Variants in EIF4A3 observed in about 807,000 individuals in gnomAD.
EIF4A3 encodes eukaryotic initiation factor 4A-III.
In EIF4A3, 1 loss-of-function variant was observed where a neutral mutation model predicts 55.6. The ratio of observed to expected loss-of-function variants is 0.02; its 90% CI spans 0.01 to 0.09. The LOEUF (loss-of-function observed/expected upper bound fraction) is 0.09, where lower values mean the gene tolerates loss of function less well. Among genes scored for constraint, EIF4A3 ranks in the 10% least tolerant of loss-of-function variants. EIF4A3 has a pLI of 1.00. For synonymous variants in EIF4A3, 194 were observed against 196.3 expected (o/e 0.99, Z 0.10); for missense variants, 221 against 540.7 (o/e 0.41, Z 5.86).
At position 80,137,518 on chromosome 17, in the gene EIF4A3, C is replaced by T; in HGVS notation, c.868-17G>A. 6.2e-7 allele frequency: 1 copy of T among 1,603,512 alleles called. No homozygotes were observed. Among genetic ancestry groups the T allele is most frequent in the Non-Finnish European group, 8.5e-7 (1 of 1,171,894 alleles). On this transcript the variant is annotated splice_polypyrimidine_tract_variant and intron_variant, in intron 8 of 11. Transcript: ENST00000649764. ...CCAGTCCACCTACAAATCCAATCAA[C>T]AGATGCTACTGCAAGCTAGTATACC...
chr17:80,139,643 G>A, intron 6 of EIF4A3, 27 bp downstream of exon 6: 1 of 1,582,950 alleles, frequency 6.3e-7, no homozygotes, highest in Non-Finnish European at 8.7e-7. Context: ...TATGTCAGTA[G>A]AAGAGTAATT....
rs754961304 is a variant in EIF4A3 at position 80,144,162 on chromosome 17, G to A, written c.242+10C>T. On this transcript the variant is annotated intron_variant, in intron 2 of 11. Coordinates refer to ENST00000649764, the MANE Select transcript of EIF4A3 (RefSeq NM_014740.4). Reference sequence around the variant, plus strand: ...CATCCAGCCCTGCGCCGCACCCCAGGACAACTTACTGTGCGATGACATCTC... The same window carrying A: ...CATCCAGCCCTGCGCCGCACCCCAGAACAACTTACTGTGCGATGACATCTC... 1.2e-6 allele frequency: 2 copies of A among 1,613,992 alleles called. No homozygotes were observed. The highest frequency in any genetic ancestry group is 1.7e-5 in the Admixed American group (1 of 59,990).
rs542890846 is a variant in EIF4A3 at position 80,147,086 on chromosome 17, T to C, written c.-125A>G. 1.6e-4 allele frequency: 207 copies of C among 1,314,964 alleles called. 3 individuals carry two copies. The African/African-American group carries it at 3.4e-3, about 22-fold the overall frequency. 81.5% of individuals were successfully genotyped at this position (1,314,964 alleles called of 1,614,324 possible). A position where few individuals can be genotyped will look rare whatever the true frequency, so the allele number is the denominator to read the frequency against. ...CTCGCTGTGCCGCTGCCGACCTCGC[T>C]GTGCCGCTGCCGACCTCGCTGTGCC... On this transcript the variant is annotated 5_prime_UTR_variant, in exon 1 of 12. Coordinates refer to ENST00000649764, the MANE Select transcript of EIF4A3 (RefSeq NM_014740.4).
chr17:80,135,600 C>A, intron 11 of EIF4A3, 94 bp from the exon 12 acceptor site: 1 of 1,198,552 alleles, frequency 8.3e-7, no homozygotes, highest in South Asian at 1.4e-5. Context: ...ACAGACTTCT[C>A]AAAACAAAAA....
chr17:80,135,418 C>G lies in EIF4A3; in HGVS notation c.*72G>C, dbSNP rs542979591. 1 of 1,507,748 alleles carries G rather than the reference C, an allele frequency of 6.6e-7. No homozygotes were observed. The highest frequency in any genetic ancestry group is 1.3e-5 in the South Asian group (1 of 76,850). The allele number at this position is 1,507,748 out of a possible 1,614,324, so 93.4% of individuals were successfully genotyped here. ...CCATATAAACCCCATTAAGTAGAAT[C>G]TGGATCTAAATACTTCCAAACAGGA... On this transcript the variant is annotated 3_prime_UTR_variant, in exon 12 of 12. Coordinates refer to ENST00000649764, the MANE Select transcript of EIF4A3 (RefSeq NM_014740.4).
rs1315727518 is a variant in EIF4A3, at chr17:80,134,792, T to C, written c.*698A>G. On this transcript the variant is annotated 3_prime_UTR_variant, in exon 12 of 12. Transcript: ENST00000649764. ...TGAGTTGTGATGGTGCCACTGCTCTTCAGCCTGGGCAGCAGAGCAAAACTC... is the reference window on the plus strand; with the variant it reads ...TGAGTTGTGATGGTGCCACTGCTCTCCAGCCTGGGCAGCAGAGCAAAACTC... 6.6e-6 allele frequency among the ~76,000 whole-genome samples: 1 copy of C among 152,012 alleles called. No homozygotes were observed. Among genetic ancestry groups the C allele is most frequent in the African/African-American group, 2.4e-5 (1 of 41,368 alleles).
At chr17:80,139,359 TG>T (rs1337271934) in intron 6 of EIF4A3, 197 bp from the exon 7 acceptor site, 4 of 718,028 alleles carry the variant, frequency 5.6e-6, no homozygotes, top group Non-Finnish European at 6.6e-6. Flanking sequence ...GAGTGTTATC[TG>T]GTTGAGGGAA....
In EIF4A3 at chr17:80,137,453, A is replaced by C; in HGVS notation, c.916T>G (p.Ser306Ala). The part of the protein sequence containing the change: ...KMREANFTVS[S>A]MHGDMPQKER... Reference sequence around the variant, plus strand: ...TTCTGGGGCATGTCTCCATGCATTGAGGATACAGTGAAGTTGGCTTCCCTC... The same window carrying C: ...TTCTGGGGCATGTCTCCATGCATTGCGGATACAGTGAAGTTGGCTTCCCTC... Residue 306 changes from serine (S) to alanine (A), a missense_variant, in exon 9 of 12, where the codon TCA becomes GCA. Around this residue, in one of 4 missense-constraint regions of EIF4A3, gnomAD observed 93 missense variants for 278.5 expected, o/e 0.33. Coordinates refer to ENST00000649764, the MANE Select transcript of EIF4A3 (RefSeq NM_014740.4). The C allele has an allele frequency of 4.3e-6, 7 of 1,614,096 alleles. No individual in the cohort carries two copies. Among genetic ancestry groups the C allele is most frequent in the Non-Finnish European group, 5.9e-6 (7 of 1,179,968 alleles).
chr17:80,141,448 C>A, intron 3 of EIF4A3, 67 bp from the exon 4 acceptor site: 1 of 1,457,262 alleles, frequency 6.9e-7, no homozygotes, highest in South Asian at 1.1e-5. Flanking sequence ...TAGTAATTCA[C>A]ACTCAGATCT....
Position 80,140,033 on chromosome 17 carries a change from G to C in EIF4A3, c.480C>G (p.Val160=), listed in dbSNP as rs2241886. 2 of 1,612,974 alleles carry C rather than the reference G, an allele frequency of 1.2e-6. No individual in the cohort carries two copies. The highest frequency in any genetic ancestry group is 1.3e-5 in the African/African-American group (1 of 74,726). The part of the protein sequence containing the change: ...IRKLDYGQHV[V]AGTPGRVFDM... ...CAAAAACACGCCCTGGAGTGCCCGC[G>C]ACAACATGCTGTCCGTAATCCAGCT... The change falls in exon 5 of 12, where the codon GTC becomes GTG. Residue 160 remains valine, a synonymous_variant. Coordinates refer to ENST00000649764, the MANE Select transcript of EIF4A3 (RefSeq NM_014740.4).
Position 80,135,252 on chromosome 17 carries a change from G to T in EIF4A3, c.*238C>A. On this transcript the variant is annotated 3_prime_UTR_variant, in exon 12 of 12. Transcript: ENST00000649764. ...AAGGTGGTGGCACCTTAGAAGTATAGAGTTTATGGGAAAAGTTTTAAATTT... is the reference window on the plus strand; with the variant it reads ...AAGGTGGTGGCACCTTAGAAGTATATAGTTTATGGGAAAAGTTTTAAATTT... 2.3e-6 allele frequency: 1 copy of T among 430,316 alleles called. No individual in the cohort carries two copies. The highest frequency in any genetic ancestry group is 6.2e-5 in the South Asian group (1 of 16,256). The allele number at this position is 430,316 out of a possible 1,614,324, so 26.7% of individuals were successfully genotyped here.
intron 5 of EIF4A3, 72 bp from the exon 6 acceptor site, chr17:80,139,822 C>G: frequency 6.5e-7 from 1 of 1,537,380 alleles, no homozygotes; most frequent in Non-Finnish European, 8.9e-7. Flanking sequence ...ACACCTGAGG[C>G]TCCCAAGAAA....
At position 80,144,264 on chromosome 17, in the gene EIF4A3, A is replaced by C. The variant is rs762122009; in HGVS notation, c.170-20T>G. 64 of 1,613,124 alleles carry C rather than the reference A, an allele frequency of 4.0e-5. 1 individual carries two copies. In the South Asian group the frequency reaches 6.3e-4, roughly 16 times the overall value. Reference sequence around the variant, plus strand: ...CAAAACCTGCAAATAAAAACAAAAAATTAGCCCTCACCACAATGACAGCAT... The same window carrying C: ...CAAAACCTGCAAATAAAAACAAAAACTTAGCCCTCACCACAATGACAGCAT... On this transcript the variant is annotated intron_variant, in intron 1 of 11. Transcript: ENST00000649764.
chr17:80,144,482 T>C (rs560062728), intron 1 of EIF4A3, among the ~76,000 whole-genome samples: 2 of 150,934 alleles, frequency 1.3e-5, no homozygotes, highest in African/African-American at 4.9e-5. Context: ...AACCACCAAA[T>C]TGTAGAATAT....
intron 2 of EIF4A3, among the ~76,000 whole-genome samples, chr17:80,142,286 C>G (rs1598605881): frequency 6.6e-6 from 1 of 152,104 alleles, no homozygotes; most frequent in South Asian, 2.1e-4. Context: ...TGGCTATATA[C>G]AAGTTTTCAT....
intron 4 of EIF4A3, 143 bp from the exon 5 acceptor site, chr17:80,140,283 C>A: frequency 2.3e-5 from 22 of 947,304 alleles, no homozygotes; most frequent in Non-Finnish European, 3.0e-5. Context: ...TTCTCCTGCT[C>A]TTTTCTCTGA....
rs767335204 is a variant in EIF4A3 at position 80,135,987 on chromosome 17, G to A, written c.1219+17C>T. On this transcript the variant is annotated intron_variant, in intron 11 of 11. Transcript: ENST00000649764. ...AAGTTCCCTCTACAATTACAGTAGAGCTGGACGATTTCCTACCGTTCATCG... is the reference window on the plus strand; with the variant it reads ...AAGTTCCCTCTACAATTACAGTAGAACTGGACGATTTCCTACCGTTCATCG... 9.9e-6 allele frequency: 16 copies of A among 1,612,782 alleles called. No homozygotes were observed. In the South Asian group the frequency reaches 1.7e-4, roughly 17 times the overall value.
chr17:80,147,028 T>C lies in EIF4A3; in HGVS notation c.-67A>G, dbSNP rs1448915885. The C allele has an allele frequency of 3.3e-6, 4 of 1,207,940 alleles. No individual in the cohort carries two copies. Among genetic ancestry groups the C allele is most frequent in the Admixed American group, 2.8e-5 (1 of 36,178 alleles). The allele number at this position is 1,207,940 out of a possible 1,614,324, so 74.8% of individuals were successfully genotyped here. On this transcript the variant is annotated 5_prime_UTR_variant, in exon 1 of 12. Transcript: ENST00000649764. ...ACCTCGCTGCCGCTGCCGACCTCGC[T>C]GTGCCGCTGCCGACCTCGCTGCCGC...
At chr17:80,141,219 C>T (rs1395532547) in intron 4 of EIF4A3, 100 bp downstream of exon 4, 7 of 1,263,688 alleles carry the variant, frequency 5.5e-6, no homozygotes, top group African/African-American at 1.5e-5. Context: ...TTTGAGGTAT[C>T]AGAAAACAGG....
Sources: allele counts gnomAD v4.1 joint callset (sites outside exome capture counted in the v4.1 genomes callset), GRCh38; gene constraint gnomAD v4.1.1; regional missense constraint gnomAD v4.1.1; transcripts MANE v1.5; gene names NCBI Gene and HGNC (gene_info 2026-07-23, HGNC 2026-07-21).